The following ARHGEF10 variants were observed in gnomAD, a reference collection of about 807,000 sequenced individuals.
ARHGEF10 encodes Rho guanine nucleotide exchange factor 10.
In ARHGEF10, 140 loss-of-function variants were observed where a neutral mutation model predicts 147.4. The ratio of observed to expected loss-of-function variants is 0.95; its 90% CI spans 0.83 to 1.09. The LOEUF (loss-of-function observed/expected upper bound fraction) is 1.09. Among genes scored for constraint, ARHGEF10 ranks in the 50% least tolerant of loss-of-function variants. The pLI, the probability that ARHGEF10 is intolerant of heterozygous loss-of-function variation, is 0.00. For synonymous variants in ARHGEF10, 902 were observed against 695.8 expected (o/e 1.30, Z -4.67); for missense variants, 2,222 against 1,752.7 (o/e 1.27, Z -4.78).
At chr8:1,897,007 C>T (rs1329054721) in intron 14 of ARHGEF10, among the ~76,000 whole-genome samples, 1 of 151,914 alleles carries the variant, frequency 6.6e-6, no homozygotes, top group African/African-American at 2.4e-5. Context: ...CTTCCCCAGT[C>T]GTGGGATGCG....
intron 18 of ARHGEF10, 94 bp from the exon 19 acceptor site, chr8:1,922,870 T>C: frequency 7.0e-6 from 6 of 861,806 alleles, no homozygotes; most frequent in Non-Finnish European, 1.1e-5. Context: ...AACTTAAAAA[T>C]TATTTAGTAT....
At chr8:1,913,427 A>G (rs1375946318) in intron 18 of ARHGEF10, among the ~76,000 whole-genome samples, 2 of 152,242 alleles carry the variant, frequency 1.3e-5, no homozygotes, top group African/African-American at 4.8e-5. Flanking sequence ...TCAGATGTGC[A>G]AATATTCATC....
At position 1,927,034 on chromosome 8, in the gene ARHGEF10, T is replaced by A. The variant is rs570030034; in HGVS notation, c.2697+571T>A. The A allele has an allele frequency of 2.0e-4, 38 of 188,502 alleles. No homozygotes were observed. The South Asian group carries it at 3.7e-3, about 18-fold the overall frequency. 11.7% of individuals were successfully genotyped at this position (188,502 alleles called of 1,614,324 possible). A position where few individuals can be genotyped will look rare whatever the true frequency, so the allele number is the denominator to read the frequency against. On this transcript the variant is annotated intron_variant, in intron 23 of 28. Coordinates refer to ENST00000349830, the MANE Select transcript of ARHGEF10 (RefSeq NM_014629.4). ...ACTGTGCTTTTCCAAACTCTCATCC[T>A]TTCCTCCCAGGCGTCCTGTGCAGCA... is the stretch of plus-strand genomic sequence containing the variant.
intron 1 of ARHGEF10, among the ~76,000 whole-genome samples, chr8:1,829,086 G>T (rs1036462019): frequency 3.7e-4 from 56 of 152,244 alleles, no homozygotes; most frequent in Non-Finnish European, 1.6e-4. Context: ...AGCACACCTG[G>T]GGGGCGGCCA....
rs1194946962 is a variant in ARHGEF10, at chr8:1,889,757, A to AG, written c.1183-3809dup. ...TTGCGAGGAGACATTGAGTGGGATG[A>AG]GGGTTGTGAGGAGACACTGAGTGGG... On this transcript the variant is annotated intron_variant, in intron 11 of 28. Transcript: ENST00000349830. 1.7e-4 allele frequency among the ~76,000 whole-genome samples: 8 copies of AG among 47,132 alleles called. 2 individuals carry two copies. The highest frequency in any genetic ancestry group is 7.3e-4 in the African/African-American group (8 of 10,962). 30.9% of individuals were successfully genotyped at this position (47,132 alleles called of 152,430 possible).
chr8:1,875,306 C>T (rs1043193831), intron 7 of ARHGEF10, among the ~76,000 whole-genome samples: 2 of 151,968 alleles, frequency 1.3e-5, no homozygotes, highest in Admixed American at 1.3e-4. Context: ...GAGACACACA[C>T]TGGGGAGCGT....
chr8:1,923,354 T>C (rs2129212464), intron 19 of ARHGEF10, 114 bp from the exon 20 acceptor site: 1 of 1,482,130 alleles, frequency 6.7e-7, no homozygotes, highest in Non-Finnish European at 9.3e-7. Flanking sequence ...TTTCATAATC[T>C]AATAGTTTCA....
Position 1,934,095 on chromosome 8 carries a change from G to T in ARHGEF10, c.3222+153G>T, listed in dbSNP as rs3758022. Among the ~76,000 whole-genome samples, 26,059 of 152,080 alleles carry T rather than the reference G, an allele frequency of 0.17. 2,275 individuals are homozygous for T. The highest frequency in any genetic ancestry group is 0.2 in the Admixed American group (3,057 of 15,276). On this transcript the variant is annotated intron_variant, in intron 26 of 28. Transcript: ENST00000349830. ...CATGCCTGTAATGCCAACACTCTGG[G>T]AGGCCAAGGTTGGAGGACTGTTTGA...
chr8:1,824,989 C>T, intron 1 of ARHGEF10, among the ~76,000 whole-genome samples: 1 of 46,984 alleles, frequency 2.1e-5, no homozygotes. Flanking sequence ...CCCCACCTGT[C>T]CTCCCCACAC....
rs189987455 is a variant in ARHGEF10, at chr8:1,843,544, G to A, written c.37+108G>A. ...ATTGCTGGTCACTGGGGTATGGGGT[G>A]GAGTGAGAGCTTCTTGGGAGAAAGA... On this transcript the variant is annotated intron_variant, in intron 2 of 28. Transcript: ENST00000349830. 5.1e-4 allele frequency: 435 copies of A among 851,026 alleles called. 1 individual carries two copies. Among genetic ancestry groups the A allele is most frequent in the Middle Eastern group, 9.5e-4 (3 of 3,154 alleles). 52.7% of individuals were successfully genotyped at this position (851,026 alleles called of 1,614,324 possible). A position where few individuals can be genotyped will look rare whatever the true frequency, so the allele number is the denominator to read the frequency against.
At chr8:1,944,277 C>G (rs1029557414) in intron 26 of ARHGEF10, among the ~76,000 whole-genome samples, 1 of 151,420 alleles carries the variant, frequency 6.6e-6, no homozygotes, top group African/African-American at 2.4e-5. Flanking sequence ...GACCCCAGCC[C>G]TGCGTGCCCA....
chr8:1,867,168 C>G (rs539468584), intron 6 of ARHGEF10, among the ~76,000 whole-genome samples: 38 of 152,234 alleles, frequency 2.5e-4, no homozygotes, highest in Admixed American at 1.8e-3. Context: ...CATTTAGTAG[C>G]CTCTTATTTA....
chr8:1,906,108 A>G (rs1810870764), intron 17 of ARHGEF10, among the ~76,000 whole-genome samples: 2 of 152,328 alleles, frequency 1.3e-5, no homozygotes, highest in South Asian at 4.1e-4. Flanking sequence ...GGGTATATTC[A>G]TATTTATTGT....
At chr8:1,869,433 C>G in intron 7 of ARHGEF10, 183 bp downstream of exon 7, 1 of 703,840 alleles carries the variant, frequency 1.4e-6, no homozygotes, top group South Asian at 1.5e-5. Context: ...TGTGTGTGTG[C>G]TTATAACCCT....
chr8:1,950,282 C>T (rs1330640164), intron 27 of ARHGEF10, among the ~76,000 whole-genome samples: 1 of 152,174 alleles, frequency 6.6e-6, no homozygotes, highest in Non-Finnish European at 1.5e-5. Flanking sequence ...CGGACGGGCA[C>T]GGGACGCCTG....
At position 1,945,465 on chromosome 8, in the gene ARHGEF10, CCT is replaced by C. The variant is rs746461934; in HGVS notation, c.3223-12_3223-11del. ...CACTCCACGGGGCTAGCAGACTTGA[CCT>C]CTCGATTTCACAGGGTCAGCTGGAG... is the stretch of plus-strand genomic sequence containing the variant. On this transcript the variant is annotated splice_polypyrimidine_tract_variant and intron_variant, in intron 26 of 28. Coordinates refer to ENST00000349830, the MANE Select transcript of ARHGEF10 (RefSeq NM_014629.4). The C allele has an allele frequency of 4.4e-6, 7 of 1,575,886 alleles. No homozygotes were observed. Among genetic ancestry groups the C allele is most frequent in the Middle Eastern group, 3.3e-4 (2 of 6,026 alleles).
intron 14 of ARHGEF10, among the ~76,000 whole-genome samples, chr8:1,897,426 A>G (rs1810075795): frequency 6.7e-6 from 1 of 150,188 alleles, no homozygotes; most frequent in African/African-American, 2.5e-5. Context: ...CTCTGTCCTA[A>G]GGGATCGGAT....
intron 4 of ARHGEF10, among the ~76,000 whole-genome samples, chr8:1,861,234 T>C (rs1360093525): frequency 1.3e-5 from 2 of 152,238 alleles, no homozygotes; most frequent in Non-Finnish European, 2.9e-5. Flanking sequence ...CTGCTGTCCT[T>C]ACATGGCCCT....
At chr8:1,892,786 T>C (rs6420198) in intron 11 of ARHGEF10, among the ~76,000 whole-genome samples, 109,948 of 151,960 alleles carry the variant, frequency 0.72, 40,903 homozygotes, top group East Asian at 0.97. Flanking sequence ...GGAGAAACTC[T>C]ATTGCCCTGT....
Sources: allele counts gnomAD v4.1 joint callset (sites outside exome capture counted in the v4.1 genomes callset), GRCh38; gene constraint gnomAD v4.1.1; transcripts MANE v1.5; gene names NCBI Gene and HGNC (gene_info 2026-07-23, HGNC 2026-07-21).